IQCH: variants seen among roughly 807,000 people sequenced by gnomAD.
IQCH encodes the protein IQ domain-containing protein H.
A neutral mutation model predicts 117.0 loss-of-function variants in IQCH; 98 were observed. The observed-to-expected ratio is 0.84, with a 90% confidence interval of 0.71 to 0.99. The LOEUF is 0.99. IQCH is among the 50% of genes least tolerant of loss of function. The probability of loss-of-function intolerance (pLI) is 0.00; values close to 1 mark genes in which losing one functional copy is unlikely to be tolerated. For missense variants in IQCH, 1,102 were observed against 1,243.8 expected, an observed-to-expected ratio of 0.89 and a Z score of 1.72; for synonymous variants, 412 against 448.2, an observed-to-expected ratio of 0.92 and a Z score of 1.02.
At position 67,385,914 on chromosome 15, in the gene IQCH, G is replaced by A. The variant is rs951094256; in HGVS notation, c.1456+895G>A. ...AAGGACCAACTTAACTGGCTCCCTG[G>A]AATGACATGCTTTACATGATTCATA... On this transcript the variant is annotated intron_variant, in intron 11 of 20. Coordinates refer to ENST00000335894, the MANE Select transcript of IQCH (RefSeq NM_001031715.3). The surrounding 1 kb of genome is among the most constrained non-coding windows in gnomAD (Gnocchi z 4.6). Among the ~76,000 whole-genome samples the A allele has an allele frequency of 2.0e-5, 3 of 152,058 alleles. No homozygotes were observed. Among genetic ancestry groups the A allele is most frequent in the Non-Finnish European group, 4.4e-5 (3 of 68,020 alleles).
intron 16 of IQCH, among the ~76,000 whole-genome samples, chr15:67,448,371 C>G (rs1009725329): frequency 8.4e-6 from 1 of 119,206 alleles, no homozygotes; most frequent in African/African-American, 3.2e-5. Context: ...CTATCCCTCC[C>G]CCCGCCCCCC....
chr15:67,451,648 G>T (rs1473165841), intron 16 of IQCH, among the ~76,000 whole-genome samples: 2 of 152,176 alleles, frequency 1.3e-5, no homozygotes, highest in Non-Finnish European at 2.9e-5. Context: ...TTCCAACTGT[G>T]TGGTCAATTT....
At chr15:67,349,760 A>G (rs988175682) in intron 6 of IQCH, among the ~76,000 whole-genome samples, 2 of 152,220 alleles carry the variant, frequency 1.3e-5, no homozygotes, top group Non-Finnish European at 2.9e-5. Flanking sequence ...CAGACAAAAG[A>G]CATGAGCAGA....
intron 3 of IQCH, among the ~76,000 whole-genome samples, chr15:67,265,796 T>C (rs1965646148): frequency 6.6e-6 from 1 of 152,198 alleles, no homozygotes; most frequent in East Asian, 1.9e-4. Flanking sequence ...GAGTCTGGCA[T>C]GGACTGCTAG....
At chr15:67,298,002 A>C (rs1966867554) in intron 4 of IQCH, among the ~76,000 whole-genome samples, 1 of 152,106 alleles carries the variant, frequency 6.6e-6, no homozygotes, top group Admixed American at 6.6e-5. Context: ...AATTCTAATA[A>C]TCTGTTTTTA....
chr15:67,366,553 G>C lies in IQCH; in HGVS notation c.754-5558G>C, dbSNP rs967442085. Among the ~76,000 whole-genome samples the C allele has an allele frequency of 2.0e-5, 3 of 152,186 alleles. No homozygotes were observed. Among genetic ancestry groups the C allele is most frequent in the African/African-American group, 7.2e-5 (3 of 41,440 alleles). ...AATAAAGATACCTTTCAAAGCAATT[G>C]CAGAAATTATTCCTAGAAAATTGCT... On this transcript the variant is annotated intron_variant, in intron 8 of 20. Transcript: ENST00000335894. This position sits in a 1 kb window ranked among gnomAD's most constrained non-coding sequence, Gnocchi z 4.4.
rs2081569446 is a variant in IQCH, at chr15:67,416,118, C to A, written c.2098-813C>A. 6.6e-6 allele frequency among the ~76,000 whole-genome samples: 1 copy of A among 152,130 alleles called. No homozygotes were observed. Among genetic ancestry groups the A allele is most frequent in the African/African-American group, 2.4e-5 (1 of 41,432 alleles). On this transcript the variant is annotated intron_variant, in intron 14 of 20. Coordinates refer to ENST00000335894, the MANE Select transcript of IQCH (RefSeq NM_001031715.3). This position sits in a 1 kb window ranked among gnomAD's most constrained non-coding sequence, Gnocchi z 5.1. ...ATGGAGGTGTCCAGGTGCGGTGGCT[C>A]ACACCTGTAATCCCAACACTTTGGG...
intron 18 of IQCH, among the ~76,000 whole-genome samples, chr15:67,477,277 G>A (rs1224191418): frequency 6.6e-6 from 1 of 151,564 alleles, no homozygotes; most frequent in Non-Finnish European, 1.5e-5. Flanking sequence ...TCTTGATCTC[G>A]ACCTCATGAT....
chr15:67,358,911 T>C (rs2140743306), intron 7 of IQCH, among the ~76,000 whole-genome samples: 1 of 152,380 alleles, frequency 6.6e-6, no homozygotes, highest in African/African-American at 2.4e-5. Flanking sequence ...GCTATTTATG[T>C]AGCAGCATGT....
chr15:67,442,834 A>AGATAGAT (rs2082304853), intron 16 of IQCH, among the ~76,000 whole-genome samples: 1 of 141,794 alleles, frequency 7.1e-6, no homozygotes, highest in Non-Finnish European at 1.5e-5. Flanking sequence ...ATAGATAGAT[A>AGATAGAT]GATAGATAGA....
At position 67,500,046 on chromosome 15, in the gene IQCH, G is replaced by A. The variant is rs1001395001; in HGVS notation, c.2971-587G>A. ...AAATGTTCTGGAATTATATAGTAGC[G>A]ATGGTTACTTGCAAATATACTAAAA... On this transcript the variant is annotated intron_variant, in intron 20 of 20. Coordinates refer to ENST00000335894, the MANE Select transcript of IQCH (RefSeq NM_001031715.3). This position sits in a 1 kb window ranked among gnomAD's most constrained non-coding sequence, Gnocchi z 4.4. Among the ~76,000 whole-genome samples, 2 of 152,264 alleles carry A rather than the reference G, an allele frequency of 1.3e-5. No individual in the cohort carries two copies. Among genetic ancestry groups the A allele is most frequent in the Admixed American group, 6.5e-5 (1 of 15,300 alleles).
Position 67,381,774 on chromosome 15 carries a change from A to C in IQCH, c.1373-3162A>C, listed in dbSNP as rs1970937637. On this transcript the variant is annotated intron_variant, in intron 10 of 20. Transcript: ENST00000335894. The surrounding 1 kb of genome is among the most constrained non-coding windows in gnomAD (Gnocchi z 5.1). Reference sequence around the variant, plus strand: ...GGTGGGTGGATCACTTTAGCCCAGGAATTTGAGATCAGCCTGGGCAACATG... The same window carrying C: ...GGTGGGTGGATCACTTTAGCCCAGGCATTTGAGATCAGCCTGGGCAACATG... Among the ~76,000 whole-genome samples the C allele has an allele frequency of 6.6e-6, 1 of 152,108 alleles. No homozygotes were observed. Among genetic ancestry groups the C allele is most frequent in the Non-Finnish European group, 1.5e-5 (1 of 68,010 alleles).
intron 4 of IQCH, 117 bp from the exon 5 acceptor site, chr15:67,336,858 T>C (rs72745455): frequency 0.082 from 77,634 of 945,958 alleles, 3,662 homozygotes; most frequent in Non-Finnish European, 0.095. Flanking sequence ...GGAGCTGATA[T>C]TGCTACTTTA....
chr15:67,356,565 A>T lies in IQCH; in HGVS notation c.638-780A>T, dbSNP rs189631091. Among the ~76,000 whole-genome samples the T allele has an allele frequency of 5.3e-5, 8 of 152,310 alleles. No homozygotes were observed. The East Asian group carries it at 1.5e-3, about 29-fold the overall frequency. ...CCTTCTAAGATTGTTGTTATAGAAA[A>T]CTAACAGAAAAGGGGGTTGAGCTGA... On this transcript the variant is annotated intron_variant, in intron 6 of 20. Transcript: ENST00000335894. The surrounding 1 kb of genome is among the most constrained non-coding windows in gnomAD (Gnocchi z 5.3).
At chr15:67,341,646 G>T (rs1969180032) in intron 5 of IQCH, among the ~76,000 whole-genome samples, 1 of 151,974 alleles carries the variant, frequency 6.6e-6, no homozygotes, top group African/African-American at 2.4e-5. Flanking sequence ...GTTAAAGGAT[G>T]ATTTTTTTTA....
Position 67,493,907 on chromosome 15 carries a change from T to C in IQCH, c.2862-351T>C, listed in dbSNP as rs1282279848. On this transcript the variant is annotated intron_variant, in intron 19 of 20. Coordinates refer to ENST00000335894, the MANE Select transcript of IQCH (RefSeq NM_001031715.3). The surrounding 1 kb of genome is among the most constrained non-coding windows in gnomAD (Gnocchi z 5.1). ...CCCACCTATGAGTGAGAACATGCGGTGTTTGGTTTTCTGTCCTTGCGATAG... is the reference window on the plus strand; with the variant it reads ...CCCACCTATGAGTGAGAACATGCGGCGTTTGGTTTTCTGTCCTTGCGATAG... Among the ~76,000 whole-genome samples the C allele has an allele frequency of 1.3e-5, 2 of 152,126 alleles. No individual in the cohort carries two copies. Among genetic ancestry groups the C allele is most frequent in the East Asian group, 1.9e-4 (1 of 5,194 alleles).
In IQCH at chr15:67,254,981, C is replaced by T. The variant is rs1965073661; in HGVS notation, c.51+34C>T. ...CGGGCTTCCCCCGGCCCTGCCCTGC[C>T]CAGCCGCGCCACTTCCGAGCGAGGT... On this transcript the variant is annotated intron_variant, in intron 1 of 20. Coordinates refer to ENST00000335894, the MANE Select transcript of IQCH (RefSeq NM_001031715.3). 1.9e-6 allele frequency: 3 copies of T among 1,599,400 alleles called. No individual in the cohort carries two copies. In the East Asian group the frequency reaches 6.8e-5, roughly 36 times the overall value.
intron 4 of IQCH, among the ~76,000 whole-genome samples, chr15:67,305,282 A>G (rs1305592880): frequency 6.6e-6 from 1 of 152,098 alleles, no homozygotes; most frequent in East Asian, 1.9e-4. Flanking sequence ...CTAGCATAAT[A>G]GTCTCTTAGG....
chr15:67,361,681 C>T (rs569205245), intron 8 of IQCH, among the ~76,000 whole-genome samples: 227 of 152,234 alleles, frequency 1.5e-3, no homozygotes, highest in African/African-American at 5.1e-3. Context: ...TCATCGGCTC[C>T]GACTTTAACA....
Sources: allele counts gnomAD v4.1 joint callset (sites outside exome capture counted in the v4.1 genomes callset), GRCh38; gene constraint gnomAD v4.1.1; non-coding constraint Gnocchi (gnomAD v3.1); transcripts MANE v1.5; gene names NCBI Gene and HGNC (gene_info 2026-07-23, HGNC 2026-07-21).